Variants in CDH10 observed in about 807,000 individuals in gnomAD.
The protein encoded by CDH10 is cadherin 10.
In CDH10, 30 loss-of-function variants were observed where a neutral mutation model predicts 73.1. The ratio of observed to expected loss-of-function variants is 0.41; its 90% CI spans 0.31 to 0.56. The LOEUF (loss-of-function observed/expected upper bound fraction) is 0.56, where lower values mean the gene tolerates loss of function less well. Among genes scored for constraint, CDH10 ranks in the 20% least tolerant of loss-of-function variants. The pLI is 0.27. For synonymous variants in CDH10, 345 were observed against 348.2 expected (o/e 0.99, Z 0.10); for missense variants, 815 against 973.7 (o/e 0.84, Z 2.17).
chr5:24,572,134 G>A (rs571614486), intron 2 of CDH10, among the ~76,000 whole-genome samples: 1 of 152,176 alleles, frequency 6.6e-6, no homozygotes, highest in African/African-American at 2.4e-5. Flanking sequence ...ATATTATCTT[G>A]GAGCTCTGTC....
chr5:24,538,734 G>A (rs954633837), intron 2 of CDH10, among the ~76,000 whole-genome samples: 2 of 152,052 alleles, frequency 1.3e-5, no homozygotes, highest in African/African-American at 4.8e-5. Context: ...GAATGTTTGG[G>A]CAGGAAATAA....
At chr5:24,594,376 T>A (rs1746302072) in intron 1 of CDH10, among the ~76,000 whole-genome samples, 1 of 151,988 alleles carries the variant, frequency 6.6e-6, no homozygotes, top group South Asian at 2.1e-4. Context: ...TCCGTGCCAC[T>A]ATTTTCTCAA....
chr5:24,529,657 ATT>A (rs1334806889), intron 5 of CDH10, among the ~76,000 whole-genome samples: 2 of 151,916 alleles, frequency 1.3e-5, no homozygotes, highest in Non-Finnish European at 2.9e-5. Context: ...TTAATTTGAC[ATT>A]GATTATCTAT....
intron 1 of CDH10, among the ~76,000 whole-genome samples, chr5:24,606,232 A>G (rs1291269982): frequency 6.6e-6 from 1 of 152,164 alleles, no homozygotes; most frequent in African/African-American, 2.4e-5. Context: ...AAATGGCCCA[A>G]AGTTGCATGA....
intron 1 of CDH10, among the ~76,000 whole-genome samples, chr5:24,638,193 C>T (rs1298888492): frequency 4.0e-5 from 6 of 150,786 alleles, no homozygotes; most frequent in African/African-American, 1.5e-4. Flanking sequence ...GTACTTATGC[C>T]TATTCCCAAG....
rs199794875 is a variant in CDH10, at chr5:24,569,105, G to T, written c.231+24155C>A. 4.9e-5 allele frequency among the ~76,000 whole-genome samples: 6 copies of T among 122,806 alleles called. No individual in the cohort carries two copies. The East Asian group carries it at 1.6e-3, about 33-fold the overall frequency. The allele number at this position is 122,806 out of a possible 152,430, so 80.6% of individuals were successfully genotyped here. On this transcript the variant is annotated intron_variant, in intron 2 of 11. Transcript: ENST00000264463. ...AGCCTGGGCAACAGAGCGAGACTCT[G>T]TCTCAAAAAAAAAAGAGAAAGGGTT... is the stretch of plus-strand genomic sequence containing the variant.
At chr5:24,494,794 C>T (rs1742206350) in intron 9 of CDH10, among the ~76,000 whole-genome samples, 1 of 151,896 alleles carries the variant, frequency 6.6e-6, no homozygotes, top group Admixed American at 6.6e-5. Context: ...TTAATTTATA[C>T]ATTTTGAATA....
intron 5 of CDH10, 44 bp from the exon 6 acceptor site, chr5:24,511,558 AGAGAGAGAG>A (rs1174845669): frequency 1.8e-6 from 1 of 553,232 alleles, no homozygotes; most frequent in African/African-American, 2.6e-5. Flanking sequence ...AGAGAGAGAG[AGAGAGAGAG>A]AGAGAGAGAG....
intron 5 of CDH10, among the ~76,000 whole-genome samples, chr5:24,515,080 G>A (rs1165603572): frequency 3.9e-5 from 6 of 151,996 alleles, no homozygotes; most frequent in Non-Finnish European, 5.9e-5. Context: ...TCAAATCCTT[G>A]TATTCCTGAA....
chr5:24,578,240 C>G (rs1745672007), intron 2 of CDH10: 1 of 187,364 alleles, frequency 5.3e-6, no homozygotes, highest in African/African-American at 2.4e-5. Flanking sequence ...TATTTTTTGC[C>G]TAAGTTGGGT....
intron 7 of CDH10, among the ~76,000 whole-genome samples, chr5:24,509,240 C>CTT (rs35903930): frequency 0.49 from 42,150 of 85,302 alleles, 12,313 homozygotes; most frequent in Admixed American, 0.56. Flanking sequence ...CTCCTTTTTC[C>CTT]TTTTTTTTTT....
chr5:24,623,355 G>C (rs1747380899), intron 1 of CDH10, among the ~76,000 whole-genome samples: 1 of 152,160 alleles, frequency 6.6e-6, no homozygotes, highest in Non-Finnish European at 1.5e-5. Context: ...TGAGGAAAAA[G>C]GGTAATAACA....
rs181831092 is a variant in CDH10, at chr5:24,598,320, G to A, written c.-123-4707C>T. ...ACTGTGCTCTATTGTCATAGAAAATGTATAATTCTACATTGAATATTTATC... is the reference window on the plus strand; with the variant it reads ...ACTGTGCTCTATTGTCATAGAAAATATATAATTCTACATTGAATATTTATC... On this transcript the variant is annotated intron_variant, in intron 1 of 11. Transcript: ENST00000264463. Among the ~76,000 whole-genome samples the A allele has an allele frequency of 6.1e-3, 931 of 151,958 alleles. 16 individuals are homozygous for A. Among genetic ancestry groups the A allele is most frequent in the African/African-American group, 0.022 (905 of 41,488 alleles).
intron 2 of CDH10, among the ~76,000 whole-genome samples, chr5:24,585,935 TATG>T (rs1228285842): frequency 3.9e-5 from 6 of 152,210 alleles, no homozygotes; most frequent in Admixed American, 2.0e-4. Flanking sequence ...GTGCTAAGCC[TATG>T]ATGCAGACTT....
rs111350940 is a variant in CDH10 at position 24,531,337 on chromosome 5, G to A, written c.814+3775C>T. ...TATGATTTGTCTCCCCTGCTTTAAT[G>A]AAAGGCAATAGGGATACAAACCAGG... On this transcript the variant is annotated intron_variant, in intron 5 of 11. Transcript: ENST00000264463. 7.1e-3 allele frequency among the ~76,000 whole-genome samples: 1,078 copies of A among 152,146 alleles called. 18 individuals carry two copies. Among genetic ancestry groups the A allele is most frequent in the African/African-American group, 0.024 (1,015 of 41,530 alleles).
At chr5:24,630,213 T>C (rs1747656586) in intron 1 of CDH10, among the ~76,000 whole-genome samples, 1 of 152,054 alleles carries the variant, frequency 6.6e-6, no homozygotes, top group Non-Finnish European at 1.5e-5. Context: ...GTGATGAGTT[T>C]TCCAAAGCCA....
At chr5:24,509,848 G>A (rs6898561) in intron 6 of CDH10, 29 bp from the exon 7 acceptor site, 1 of 1,566,620 alleles carries the variant, frequency 6.4e-7, no homozygotes, top group Admixed American at 1.8e-5. Flanking sequence ...CATCAAATTA[G>A]AGTGAGGGAA....
chr5:24,554,437 A>G (rs1505882), intron 2 of CDH10, among the ~76,000 whole-genome samples: 100,323 of 150,944 alleles, frequency 0.66, 33,469 homozygotes, highest in East Asian at 0.77. Flanking sequence ...TTCTCTGCAT[A>G]TTCTCTAACT....
chr5:24,635,757 T>C (rs1354451923), intron 1 of CDH10, among the ~76,000 whole-genome samples: 1 of 151,920 alleles, frequency 6.6e-6, no homozygotes, highest in Non-Finnish European at 1.5e-5. Context: ...AAAAGTTTTA[T>C]ATTGAGCCCT....
Sources: gnomAD v4.1 joint callset for allele counts (sites outside exome capture counted in the v4.1 genomes callset) on GRCh38, gnomAD v4.1.1 for gene constraint, MANE v1.5 for transcripts, NCBI Gene and HGNC (gene_info 2026-07-23, HGNC 2026-07-21) for gene names.